Variants in SPTBN1 observed in about 807,000 individuals in gnomAD.
The protein encoded by SPTBN1 is spectrin beta, non-erythrocytic 1, also known as spectrin beta chain, non-erythrocytic 1.
SPTBN1 carries 32 observed loss-of-function variants against 266.4 expected under a neutral mutation model. The observed-to-expected ratio is 0.12, with a 90% CI of 0.09 to 0.16. SPTBN1 has a LOEUF of 0.16. SPTBN1 is among the 10% of genes least tolerant of loss of function. The pLI is 1.00. For missense variants in SPTBN1, 2,296 were observed against 3,067.1 expected, an observed-to-expected ratio of 0.75 and a Z score of 5.94; for synonymous variants, 1,336 against 1,162.2, an observed-to-expected ratio of 1.15 and a Z score of -3.04.
intron 26 of SPTBN1, chr2:54,652,949 T>C (rs560344627): frequency 5.9e-5 from 9 of 152,306 alleles, no homozygotes; most frequent in South Asian, 2.1e-4. Flanking sequence ...AACCAAAATA[T>C]GTAGATGTAA....
At chr2:54,529,327 T>C (rs538936519) in intron 2 of SPTBN1, 2 of 548,586 alleles carry the variant, frequency 3.6e-6, no homozygotes, top group Non-Finnish European at 6.7e-6. Context: ...AAAGATACAC[T>C]TGAGACCCTT....
At position 54,516,438 on chromosome 2, in the gene SPTBN1, G is replaced by C. The variant is rs1461041343; in HGVS notation, c.-47-9934G>C. On this transcript the variant is annotated intron_variant, in intron 1 of 35. Coordinates refer to ENST00000356805, the MANE Select transcript of SPTBN1 (RefSeq NM_003128.3). ...ATTAGGTTGTGTTCTTATGGTACAA[G>C]ATTCAATAGTGATGAAGATATTATG... is the stretch of plus-strand genomic sequence containing the variant. 5.3e-5 allele frequency: 8 copies of C among 152,170 alleles called. No individual in the cohort carries two copies. The South Asian group carries it at 6.2e-4, about 12-fold the overall frequency. The allele number at this position is 152,170 out of a possible 1,614,324, so 9.4% of individuals were successfully genotyped here. A position where few individuals can be genotyped will look rare whatever the true frequency, so the allele number is the denominator to read the frequency against.
chr2:54,459,511 G>A (rs569160600), intron 1 of SPTBN1, among the ~76,000 whole-genome samples: 3 of 152,200 alleles, frequency 2.0e-5, no homozygotes, highest in Non-Finnish European at 4.4e-5. Context: ...ACATAGACAT[G>A]ATTAGTGGAA....
At chr2:54,571,500 C>A (rs766063963) in intron 2 of SPTBN1, among the ~76,000 whole-genome samples, 1 of 151,588 alleles carries the variant, frequency 6.6e-6, no homozygotes, top group Non-Finnish European at 1.5e-5. Flanking sequence ...GTGGTGAGTC[C>A]CCCAGTTATA....
intron 1 of SPTBN1, among the ~76,000 whole-genome samples, chr2:54,522,678 G>GAGAGGAGAGAGAGA (rs370803474): frequency 1.4e-4 from 11 of 78,630 alleles, no homozygotes; most frequent in Admixed American, 4.3e-4. Flanking sequence ...GAGAGAGAGA[G>GAGAGGAGAGAGAGA]GAGAGAGAGA....
Position 54,629,301 on chromosome 2 carries a change from C to A in SPTBN1, c.2167C>A (p.Arg723=). The change falls in exon 14 of 36, where the codon CGG becomes AGG. Residue 723 remains arginine (R), a synonymous_variant. Transcript: ENST00000356805. The part of the protein sequence containing the change: ...EKIRERIIYI[R]EQWANLEQLS... ...GATCCGTGAGAGGATCATTTACATC[C>A]GGGAGCAGTGGGCCAACCTAGAGCA... 6.2e-7 allele frequency: 1 copy of A among 1,614,020 alleles called. No individual in the cohort carries two copies. Among genetic ancestry groups the A allele is most frequent in the South Asian group, 1.1e-5 (1 of 91,078 alleles).
At chr2:54,608,675 T>C (rs559173307) in intron 3 of SPTBN1, among the ~76,000 whole-genome samples, 4 of 151,766 alleles carry the variant, frequency 2.6e-5, no homozygotes, top group Non-Finnish European at 4.4e-5. Context: ...AAACCCATTT[T>C]GTGTGCGTGT....
At chr2:54,667,519 T>C (rs1681444865) in intron 34 of SPTBN1, 85 bp from the exon 35 acceptor site, 1 of 1,343,808 alleles carries the variant, frequency 7.4e-7, no homozygotes, top group South Asian at 1.2e-5. Context: ...GTGGTCTACT[T>C]CTGTCCTGCA....
At chr2:54,582,087 C>G (rs909218295) in intron 2 of SPTBN1, among the ~76,000 whole-genome samples, 1 of 152,104 alleles carries the variant, frequency 6.6e-6, no homozygotes, top group African/African-American at 2.4e-5. Context: ...CTTGAACTTG[C>G]TCAAAGCCTT....
chr2:54,622,830 ATT>A (rs1377685727), intron 9 of SPTBN1, among the ~76,000 whole-genome samples: 2 of 152,236 alleles, frequency 1.3e-5, no homozygotes, highest in Admixed American at 6.5e-5. Context: ...TATGTTGTAT[ATT>A]ATAAGACCCC....
chr2:54,612,650 T>G (rs1029932768), intron 4 of SPTBN1, among the ~76,000 whole-genome samples: 3 of 152,188 alleles, frequency 2.0e-5, no homozygotes, highest in African/African-American at 4.8e-5. Flanking sequence ...ACATCTGGTC[T>G]CTGCTGCTTG....
chr2:54,477,036 A>G (rs1667866971), intron 1 of SPTBN1, among the ~76,000 whole-genome samples: 1 of 151,744 alleles, frequency 6.6e-6, no homozygotes, highest in Admixed American at 6.6e-5. Flanking sequence ...TATTGGCTTC[A>G]GTGTTTTTCT....
intron 2 of SPTBN1, among the ~76,000 whole-genome samples, chr2:54,593,013 G>T (rs886417311): frequency 2.0e-5 from 3 of 152,200 alleles, no homozygotes; most frequent in African/African-American, 7.2e-5. Context: ...CAATGTTATT[G>T]CAGACACACC....
chr2:54,646,501 G>T lies in SPTBN1; in HGVS notation c.4866+26G>T, dbSNP rs762210570. 6.8e-7 allele frequency: 1 copy of T among 1,471,976 alleles called. No individual in the cohort carries two copies. Among genetic ancestry groups the T allele is most frequent in the Non-Finnish European group, 9.0e-7 (1 of 1,112,382 alleles). 91.2% of individuals were successfully genotyped at this position (1,471,976 alleles called of 1,614,324 possible). A position where few individuals can be genotyped will look rare whatever the true frequency, so the allele number is the denominator to read the frequency against. ...GTGAGAGGAGGCGGGAAGCATCCCT[G>T]TCCCAGGAGAGCCTCAGATTCAAAC... On this transcript the variant is annotated intron_variant, in intron 23 of 35. Transcript: ENST00000356805. The surrounding 1 kb of genome is among the most constrained non-coding windows in gnomAD (Gnocchi z 4.4).
intron 1 of SPTBN1, among the ~76,000 whole-genome samples, chr2:54,462,444 T>C (rs1210630999): frequency 6.6e-6 from 1 of 152,242 alleles, no homozygotes; most frequent in African/African-American, 2.4e-5. Flanking sequence ...GTAATGTAAT[T>C]ACATTTATTT....
At chr2:54,632,093 A>G (rs1678773696) in intron 16 of SPTBN1, among the ~76,000 whole-genome samples, 1 of 151,678 alleles carries the variant, frequency 6.6e-6, no homozygotes, top group East Asian at 1.9e-4. Flanking sequence ...AAAAAAAAAA[A>G]AAAAAGTACG....
intron 19 of SPTBN1, 44 bp downstream of exon 19, chr2:54,643,173 G>A: frequency 6.2e-7 from 1 of 1,609,760 alleles, no homozygotes; most frequent in Non-Finnish European, 8.5e-7. Flanking sequence ...AAAACAAACA[G>A]GGTAGTAATA....
chr2:54,558,342 G>A lies in SPTBN1; in HGVS notation c.148+31776G>A, dbSNP rs1439371613. 1.6e-5 allele frequency: 16 copies of A among 996,564 alleles called. No homozygotes were observed. Among genetic ancestry groups the A allele is most frequent in the Non-Finnish European group, 6.0e-6 (5 of 837,082 alleles). 61.7% of individuals were successfully genotyped at this position (996,564 alleles called of 1,614,324 possible). ...GACATCACCGCCCAGCACACGGCGA[G>A]TGGCTCCTGATAAAATTACAAACCG... On this transcript the variant is annotated intron_variant, in intron 2 of 35. Coordinates refer to ENST00000356805, the MANE Select transcript of SPTBN1 (RefSeq NM_003128.3). This position sits in a 1 kb window ranked among gnomAD's most constrained non-coding sequence, Gnocchi z 4.6.
chr2:54,576,493 G>T (rs1274297367), intron 2 of SPTBN1, among the ~76,000 whole-genome samples: 1 of 152,086 alleles, frequency 6.6e-6, no homozygotes, highest in Non-Finnish European at 1.5e-5. Context: ...CTTTGAAGAA[G>T]TAGTACTTTC....
Sources: gnomAD v4.1 joint callset for allele counts (sites outside exome capture counted in the v4.1 genomes callset) on GRCh38, gnomAD v4.1.1 for gene constraint, Gnocchi (gnomAD v3.1) non-coding constraint, MANE v1.5 for transcripts, NCBI Gene and HGNC (gene_info 2026-07-23, HGNC 2026-07-21) for gene names.